CERS3: variants seen among roughly 807,000 people sequenced by gnomAD.
CERS3 encodes ceramide synthase 3.
Under a neutral mutation model 50.3 loss-of-function variants are expected in CERS3, and 33 were observed. The ratio of observed to expected loss-of-function variants is 0.66; its 90% confidence interval spans 0.50 to 0.88. The LOEUF is 0.88. Ranked by LOEUF, CERS3 falls within the 40% of genes least tolerant of loss-of-function variation. The probability of loss-of-function intolerance (pLI) is 0.00; values close to 1 mark genes in which losing one functional copy is unlikely to be tolerated. For missense variants in CERS3, 470 were observed against 460.3 expected, an observed-to-expected ratio of 1.02 and a Z score of -0.19; for synonymous variants, 176 against 155.2, an observed-to-expected ratio of 1.13 and a Z score of -0.99.
chr15:100,489,985 GT>G (rs2035604946), intron 4 of CERS3, among the ~76,000 whole-genome samples: 1 of 152,182 alleles, frequency 6.6e-6, no homozygotes, highest in Non-Finnish European at 1.5e-5. Context: ...AGGAAATAAA[GT>G]TCAGGACCCT....
At chr15:100,462,140 C>T (rs2034569638) in intron 10 of CERS3, among the ~76,000 whole-genome samples, 1 of 152,158 alleles carries the variant, frequency 6.6e-6, no homozygotes, top group Admixed American at 6.6e-5. Flanking sequence ...TAAAGAATGC[C>T]GAAAGACTGC....
chr15:100,510,288 G>GA (rs974031382), intron 2 of CERS3, among the ~76,000 whole-genome samples: 12 of 151,070 alleles, frequency 7.9e-5, no homozygotes, highest in African/African-American at 2.9e-4. Context: ...TGAAGAGAGA[G>GA]AAAAAAAAGA....
intron 11 of CERS3, 104 bp downstream of exon 11, chr15:100,455,789 G>A (rs1468603796): frequency 2.5e-6 from 2 of 787,590 alleles, no homozygotes; most frequent in Non-Finnish European, 1.8e-6. Flanking sequence ...CAAGAAAAAA[G>A]AATTCTGGTT....
At chr15:100,430,172 TGTG>T (rs1385578392) in intron 11 of CERS3, among the ~76,000 whole-genome samples, 6 of 151,438 alleles carry the variant, frequency 4.0e-5, no homozygotes, top group Admixed American at 2.0e-4. Flanking sequence ...GTTAGCCAGT[TGTG>T]GTGGGGGGCG....
intron 11 of CERS3, among the ~76,000 whole-genome samples, chr15:100,446,006 G>C (rs1322838392): frequency 6.6e-6 from 1 of 152,084 alleles, no homozygotes; most frequent in Non-Finnish European, 1.5e-5. Flanking sequence ...TGAGCACCTT[G>C]TGACCCCCAC....
rs2034884911 is a variant in CERS3, at chr15:100,469,304, C to T, written c.845+74G>A. 4.8e-5 allele frequency: 52 copies of T among 1,091,824 alleles called. 1 individual carries two copies. In the South Asian group the frequency reaches 6.1e-4, roughly 13 times the overall value. 67.6% of individuals were successfully genotyped at this position (1,091,824 alleles called of 1,614,324 possible). A position where few individuals can be genotyped will look rare whatever the true frequency, so the allele number is the denominator to read the frequency against. On this transcript the variant is annotated intron_variant, in intron 10 of 11. Transcript: ENST00000679737. ...AGACCCACGTATGGAAAGGGCAATG[C>T]CCTGAGGGTAACCATGCACTGAGGC... is the stretch of plus-strand genomic sequence containing the variant.
At chr15:100,422,925 G>C (rs2032547244) in intron 11 of CERS3, among the ~76,000 whole-genome samples, 1 of 138,994 alleles carries the variant, frequency 7.2e-6, no homozygotes, top group Non-Finnish European at 1.6e-5. Flanking sequence ...TCACACTCTG[G>C]GGACTGTTGT....
At chr15:100,462,581 C>T (rs1430989411) in intron 10 of CERS3, among the ~76,000 whole-genome samples, 1 of 152,190 alleles carries the variant, frequency 6.6e-6, no homozygotes, top group Non-Finnish European at 1.5e-5. Flanking sequence ...AAATGATACA[C>T]TCTTAACCCT....
At chr15:100,505,468 T>C (rs1596779750) in intron 2 of CERS3, among the ~76,000 whole-genome samples, 1 of 152,212 alleles carries the variant, frequency 6.6e-6, no homozygotes, top group East Asian at 1.9e-4. Context: ...GGATGACCTC[T>C]TGGAAAATGT....
chr15:100,402,500 TG>T lies in CERS3; in HGVS notation c.*212del. 1 of 555,010 alleles carries T rather than the reference TG, an allele frequency of 1.8e-6. No individual in the cohort carries two copies. Among genetic ancestry groups the T allele is most frequent in the East Asian group, 3.1e-5 (1 of 32,658 alleles). The allele number at this position is 555,010 out of a possible 1,614,324, so 34.4% of individuals were successfully genotyped here. A position where few individuals can be genotyped will look rare whatever the true frequency, so the allele number is the denominator to read the frequency against. ...AAATCTTTGAAATCTTTGACCAGTC[TG>T]AGTCCTAACTGCAGTAAAAATCCAT... On this transcript the variant is annotated 3_prime_UTR_variant, in exon 12 of 12. Transcript: ENST00000679737.
rs1300648690 is a variant in CERS3, at chr15:100,483,778, A to ATTTT, written c.407+771_407+772insAAAA. On this transcript the variant is annotated intron_variant, in intron 5 of 11. Coordinates refer to ENST00000679737, the MANE Select transcript of CERS3 (RefSeq NM_001378789.1). ...AGAAGGATCAATAATAATAATAATT[A>ATTTT]TTATTATTATTTTTTTTTTTGAGAC... Among the ~76,000 whole-genome samples, 222 of 59,090 alleles carry ATTTT rather than the reference A, an allele frequency of 3.8e-3. 8 individuals are homozygous for ATTTT. Among genetic ancestry groups the ATTTT allele is most frequent in the Middle Eastern group, 9.3e-3 (1 of 108 alleles). 38.8% of individuals were successfully genotyped at this position (59,090 alleles called of 152,430 possible).
At chr15:100,514,528 T>A (rs1469555258) in intron 2 of CERS3, among the ~76,000 whole-genome samples, 1 of 152,154 alleles carries the variant, frequency 6.6e-6, no homozygotes, top group Non-Finnish European at 1.5e-5. Flanking sequence ...TTTTGAAAGC[T>A]ACAGTTAATA....
In CERS3 at chr15:100,420,572, A is replaced by T. The variant is rs1030228427; in HGVS notation, c.1000-17707T>A. On this transcript the variant is annotated intron_variant, in intron 11 of 11. Transcript: ENST00000679737. ...ATAGAAAAAGAGGGAATCCTCCCTA[A>T]CTCATTTTATGAGGCCAGCATCATT... 5.7e-3 allele frequency among the ~76,000 whole-genome samples: 873 copies of T among 152,116 alleles called. 13 individuals carry two copies. Among genetic ancestry groups the T allele is most frequent in the African/African-American group, 0.02 (820 of 41,500 alleles).
intron 11 of CERS3, among the ~76,000 whole-genome samples, chr15:100,451,890 AG>A (rs2034185256): frequency 1.3e-5 from 2 of 152,302 alleles, no homozygotes; most frequent in Non-Finnish European, 2.9e-5. Context: ...TAGACAAAAA[AG>A]ACCATTATAT....
chr15:100,417,749 GCCT>G (rs1310300814), intron 11 of CERS3, among the ~76,000 whole-genome samples: 23 of 151,934 alleles, frequency 1.5e-4, no homozygotes, highest in African/African-American at 4.8e-4. Context: ...CGGGCAGACT[GCCT>G]CCTCAAGTAG....
At chr15:100,452,561 T>C (rs935837535) in intron 11 of CERS3, among the ~76,000 whole-genome samples, 6 of 151,938 alleles carry the variant, frequency 3.9e-5, no homozygotes, top group African/African-American at 1.4e-4. Flanking sequence ...AGTAGAAAGA[T>C]GTCATATAAA....
chr15:100,506,461 A>ACGCCC (rs1555533150), intron 2 of CERS3, among the ~76,000 whole-genome samples: 2 of 30,410 alleles, frequency 6.6e-5, no homozygotes, highest in African/African-American at 1.9e-4. Context: ...AGAAATCGGG[A>ACGCCC]CCCCCCCGCC....
chr15:100,412,619 G>C (rs1038285810), intron 11 of CERS3, among the ~76,000 whole-genome samples: 2 of 152,122 alleles, frequency 1.3e-5, no homozygotes, highest in African/African-American at 4.8e-5. Flanking sequence ...CTGATTTATA[G>C]AAGAAAAATA....
chr15:100,415,788 C>G (rs190302858), intron 11 of CERS3, among the ~76,000 whole-genome samples: 1 of 109,530 alleles, frequency 9.1e-6, no homozygotes, highest in Non-Finnish European at 2.1e-5. Flanking sequence ...CAGGGCCTGT[C>G]GGGGGGCAGG....
Sources: gnomAD v4.1 joint callset for allele counts (sites outside exome capture counted in the v4.1 genomes callset) on GRCh38, gnomAD v4.1.1 for gene constraint, MANE v1.5 for transcripts, NCBI Gene and HGNC (gene_info 2026-07-23, HGNC 2026-07-21) for gene names.